Variants in ARB2A observed in about 807,000 individuals in gnomAD.
The protein encoded by ARB2A is ARB2 cotranscriptional regulator A.
At chr5:93,765,793 C>G in the ARB2A span, among the ~76,000 whole-genome samples, 1 of 152,150 alleles carries the variant, frequency 6.6e-6, no homozygotes, top group Non-Finnish European at 1.5e-5. Context: ...AACTATACTA[C>G]AAGGCTATGG....
At chr5:93,672,498 CG>C in the ARB2A span, among the ~76,000 whole-genome samples, 3 of 151,746 alleles carry the variant, frequency 2.0e-5, no homozygotes, top group African/African-American at 7.3e-5. Flanking sequence ...TTAGTAGAGA[CG>C]GGGTTTCACC....
the ARB2A span, among the ~76,000 whole-genome samples, chr5:94,010,184 G>A: frequency 6.6e-6 from 1 of 151,970 alleles, no homozygotes; most frequent in East Asian, 1.9e-4. Flanking sequence ...AAACTTTAGT[G>A]CTACAAATTC....
At chr5:93,870,791 A>G in the ARB2A span, among the ~76,000 whole-genome samples, 34 of 152,172 alleles carry the variant, frequency 2.2e-4, 1 homozygote, top group African/African-American at 8.2e-4. Flanking sequence ...GAAGAGTAAA[A>G]TTTACCTCTG....
At chr5:93,881,393 AAAAC>A in the ARB2A span, 1 of 1,103,118 alleles carries the variant, frequency 9.1e-7, no homozygotes, top group Non-Finnish European at 1.3e-6. Context: ...TTCTTGAAGA[AAAAC>A]AAAACAATCT....
the ARB2A span, among the ~76,000 whole-genome samples, chr5:93,847,620 T>A: frequency 6.6e-6 from 1 of 152,224 alleles, no homozygotes; most frequent in Admixed American, 6.5e-5. Flanking sequence ...CTAATTATTA[T>A]ACTAATTATA....
chr5:93,850,641 T>A, the ARB2A span, among the ~76,000 whole-genome samples: 1 of 152,188 alleles, frequency 6.6e-6, no homozygotes, highest in Admixed American at 6.5e-5. Context: ...GGTGTATTTC[T>A]GGAACTCGCC....
the ARB2A span, among the ~76,000 whole-genome samples, chr5:93,742,499 T>C: frequency 2.2e-3 from 329 of 152,244 alleles, 1 homozygote; most frequent in Middle Eastern, 6.8e-3. Flanking sequence ...GGCATCCAGT[T>C]GTGGGCCCTG....
At chr5:93,800,381 T>TCACACACACACA in the ARB2A span, among the ~76,000 whole-genome samples, 35 of 141,058 alleles carry the variant, frequency 2.5e-4, no homozygotes, top group Non-Finnish European at 3.1e-4. Context: ...CTGCATATTT[T>TCACACACACACA]CACACACACA....
the ARB2A span, among the ~76,000 whole-genome samples, chr5:93,968,754 C>CA: frequency 8.6e-5 from 13 of 151,562 alleles, no homozygotes; most frequent in East Asian, 1.9e-4. Context: ...AAGAAACAAA[C>CA]AAAAAAAACT....
the ARB2A span, among the ~76,000 whole-genome samples, chr5:94,051,600 G>A: frequency 1.3e-5 from 2 of 152,130 alleles, no homozygotes; most frequent in African/African-American, 4.8e-5. Flanking sequence ...GCACTCTCTG[G>A]CCCAAAGTAG....
the ARB2A span, chr5:93,804,924 TATA>T: frequency 3.1e-6 from 3 of 964,684 alleles, no homozygotes; most frequent in African/African-American, 1.8e-5. Flanking sequence ...ACCAGAGATA[TATA>T]ATAATATCAT....
At chr5:93,749,115 A>C in the ARB2A span, among the ~76,000 whole-genome samples, 1 of 151,704 alleles carries the variant, frequency 6.6e-6, no homozygotes, top group Non-Finnish European at 1.5e-5. Flanking sequence ...TGTCATAAAC[A>C]CTTTCGATTT....
chr5:94,099,133 C>T, the ARB2A span, among the ~76,000 whole-genome samples: 45 of 152,194 alleles, frequency 3.0e-4, no homozygotes, highest in African/African-American at 8.4e-4. Context: ...TTCTATGGGG[C>T]CAGCATCACC....
At chr5:93,721,328 T>C in the ARB2A span, among the ~76,000 whole-genome samples, 1 of 152,188 alleles carries the variant, frequency 6.6e-6, no homozygotes, top group Non-Finnish European at 1.5e-5. Context: ...TAAGATAGTA[T>C]GGAAGGGGCA....
chr5:93,772,512 A>G, the ARB2A span, among the ~76,000 whole-genome samples: 1 of 152,356 alleles, frequency 6.6e-6, no homozygotes, highest in Non-Finnish European at 1.5e-5. Context: ...TGCATTAATT[A>G]TCTACTGCTG....
the ARB2A span, among the ~76,000 whole-genome samples, chr5:93,705,480 A>G: frequency 7.2e-5 from 11 of 152,244 alleles, no homozygotes; most frequent in South Asian, 2.3e-3. Flanking sequence ...GTTATTGAGA[A>G]GAACACCTCC....
chr5:93,793,444 A>AT, the ARB2A span, among the ~76,000 whole-genome samples: 3 of 151,332 alleles, frequency 2.0e-5, no homozygotes, highest in East Asian at 2.0e-4. Context: ...AATATCCTGT[A>AT]TTTTTTTCTT....
chr5:93,934,316 C>T, the ARB2A span, among the ~76,000 whole-genome samples: 7 of 152,060 alleles, frequency 4.6e-5, no homozygotes, highest in Non-Finnish European at 8.8e-5. Flanking sequence ...TCTCAAATTT[C>T]GACGAAGAAA....
the ARB2A span, chr5:94,053,326 A>G: frequency 4.5e-6 from 3 of 666,136 alleles, no homozygotes; most frequent in Non-Finnish European, 7.3e-6. Context: ...TGTTCTATTA[A>G]TTTTTATGTG....
Sources: gnomAD v4.1 joint callset for allele counts (sites outside exome capture counted in the v4.1 genomes callset) on GRCh38, gnomAD v4.1.1 for gene constraint, MANE v1.5 for transcripts, NCBI Gene and HGNC (gene_info 2026-07-23, HGNC 2026-07-21) for gene names.